PTPRD: variants seen among roughly 807,000 people sequenced by gnomAD.
The protein encoded by PTPRD is protein tyrosine phosphatase receptor type D.
A neutral mutation model predicts 214.5 loss-of-function variants in PTPRD; 34 were observed. The observed-to-expected ratio is 0.16, with a 90% CI of 0.12 to 0.21. The LOEUF is 0.21. Among genes scored for constraint, PTPRD ranks in the 10% least tolerant of loss-of-function variants. The probability of loss-of-function intolerance (pLI) is 1.00; values close to 1 mark genes in which losing one functional copy is unlikely to be tolerated. For missense variants in PTPRD, 2,545 were observed against 2,398.7 expected, an observed-to-expected ratio of 1.06 and a Z score of -1.27; for synonymous variants, 1,128 against 845.7, an observed-to-expected ratio of 1.33 and a Z score of -5.79.
At chr9:9,653,082 C>A (rs2096408104) in intron 7 of PTPRD, among the ~76,000 whole-genome samples, 1 of 149,606 alleles carries the variant, frequency 6.7e-6, no homozygotes, top group African/African-American at 2.5e-5. Context: ...GTGGCTCACG[C>A]CTGTAATCCC....
At chr9:8,410,874 A>G (rs539059333) in intron 35 of PTPRD, among the ~76,000 whole-genome samples, 51 of 152,322 alleles carry the variant, frequency 3.3e-4, no homozygotes, top group Non-Finnish European at 6.9e-4. Context: ...AACAAAAAGG[A>G]TAAACTATGC....
At chr9:8,338,300 G>T (rs1848956732) in intron 43 of PTPRD, among the ~76,000 whole-genome samples, 1 of 151,992 alleles carries the variant, frequency 6.6e-6, no homozygotes, top group Admixed American at 6.6e-5. Flanking sequence ...CTTACATCAG[G>T]GCTGAACCTT....
intron 14 of PTPRD, 39 bp downstream of exon 14, chr9:8,633,278 A>C (rs368802770): frequency 7.5e-6 from 12 of 1,597,890 alleles, no homozygotes; most frequent in Non-Finnish European, 1.0e-5. Context: ...ACAGAATTGT[A>C]ACAATGACAC....
At chr9:9,515,339 C>T (rs1219249609) in intron 8 of PTPRD, among the ~76,000 whole-genome samples, 1 of 152,084 alleles carries the variant, frequency 6.6e-6, no homozygotes, top group Non-Finnish European at 1.5e-5. Flanking sequence ...ATTTTAAAAA[C>T]ACCTGGCTAT....
At chr9:10,587,302 A>G (rs2074177258) in intron 2 of PTPRD, among the ~76,000 whole-genome samples, 1 of 152,072 alleles carries the variant, frequency 6.6e-6, no homozygotes, top group Admixed American at 6.6e-5. Context: ...TTTTCACAAA[A>G]CTATCGTCTG....
At chr9:8,501,085 G>A (rs2137001265) in intron 23 of PTPRD, 26 bp from the exon 24 acceptor site, 3 of 1,575,858 alleles carry the variant, frequency 1.9e-6, no homozygotes, top group Non-Finnish European at 2.6e-6. Context: ...AGTTAAAGGA[G>A]GATTTAAGTG....
intron 11 of PTPRD, among the ~76,000 whole-genome samples, chr9:8,998,583 C>G (rs533264473): frequency 6.6e-6 from 1 of 152,048 alleles, no homozygotes; most frequent in African/African-American, 2.4e-5. Context: ...GAGATTAACA[C>G]TGTTTTCATG....
At chr9:9,840,519 G>T (rs1393277084) in intron 5 of PTPRD, among the ~76,000 whole-genome samples, 1 of 151,810 alleles carries the variant, frequency 6.6e-6, no homozygotes, top group Admixed American at 6.6e-5. Context: ...ATTATGTTTG[G>T]TCATTTCATT....
chr9:9,493,512 G>A (rs939691144), intron 8 of PTPRD, among the ~76,000 whole-genome samples: 4 of 152,024 alleles, frequency 2.6e-5, no homozygotes, highest in Non-Finnish European at 5.9e-5. Flanking sequence ...TTTGTGTCCG[G>A]GTAGGGTGGC....
At chr9:10,579,978 C>T (rs2071118668) in intron 2 of PTPRD, among the ~76,000 whole-genome samples, 1 of 151,898 alleles carries the variant, frequency 6.6e-6, no homozygotes, top group Non-Finnish European at 1.5e-5. Flanking sequence ...TTGAATTGTT[C>T]AAGTTCCTTA....
chr9:8,559,292 C>T lies in PTPRD; in HGVS notation c.353-30513G>A, dbSNP rs534067778. On this transcript the variant is annotated intron_variant, in intron 14 of 45. Coordinates refer to ENST00000381196, the MANE Select transcript of PTPRD (RefSeq NM_002839.4). ...GTCCCAACACAAAGAGAAATGTTTG[C>T]AGTGATAAATATCCCAGTTATCCTA... 6.6e-5 allele frequency among the ~76,000 whole-genome samples: 10 copies of T among 152,274 alleles called. No homozygotes were observed. In the South Asian group the frequency reaches 1.5e-3, roughly 22 times the overall value.
chr9:9,302,153 G>A (rs1199673264), intron 9 of PTPRD, among the ~76,000 whole-genome samples: 2 of 151,928 alleles, frequency 1.3e-5, no homozygotes, highest in Non-Finnish European at 2.9e-5. Context: ...TCATCAAGTT[G>A]AGATAAAAAG....
At chr9:9,963,588 T>TA (rs1345824122) in intron 4 of PTPRD, among the ~76,000 whole-genome samples, 2 of 152,104 alleles carry the variant, frequency 1.3e-5, no homozygotes, top group Non-Finnish European at 2.9e-5. Flanking sequence ...TTTATTGTCA[T>TA]AAAAAAGGCA....
At chr9:8,474,633 C>T (rs1286984030) in intron 30 of PTPRD, among the ~76,000 whole-genome samples, 1 of 152,196 alleles carries the variant, frequency 6.6e-6, no homozygotes, top group East Asian at 1.9e-4. Flanking sequence ...CTCCAATTGC[C>T]TAGTCCTTCC....
intron 2 of PTPRD, among the ~76,000 whole-genome samples, chr9:10,552,679 G>C (rs1278920132): frequency 3.9e-5 from 6 of 152,090 alleles, no homozygotes; most frequent in African/African-American, 1.2e-4. Context: ...TGCAAGAGGA[G>C]CACTGCAGAT....
chr9:8,518,650 T>C (rs2138624393), intron 20 of PTPRD, among the ~76,000 whole-genome samples: 1 of 152,320 alleles, frequency 6.6e-6, no homozygotes. Flanking sequence ...ATAGCATATT[T>C]TTAGGCTTGT....
chr9:8,995,282 C>T (rs950585626), intron 11 of PTPRD, among the ~76,000 whole-genome samples: 21 of 151,928 alleles, frequency 1.4e-4, no homozygotes, highest in African/African-American at 4.8e-4. Flanking sequence ...GTTTAAAAAT[C>T]CTTATCTGTT....
rs533112345 is a variant in PTPRD at position 9,995,766 on chromosome 9, T to G, written c.-472+37952A>C. Among the ~76,000 whole-genome samples, 69 of 152,316 alleles carry G rather than the reference T, an allele frequency of 4.5e-4. No individual in the cohort carries two copies. In the South Asian group the frequency reaches 0.014, roughly 31 times the overall value. On this transcript the variant is annotated intron_variant, in intron 4 of 45. Transcript: ENST00000381196. ...TTGGGACCCTGTCAGACATGTTTAT[T>G]GTTGCTATTTATTTGATACTTTTCT... is the stretch of plus-strand genomic sequence containing the variant.
chr9:9,795,136 G>T (rs140538078), intron 5 of PTPRD, among the ~76,000 whole-genome samples: 239 of 152,278 alleles, frequency 1.6e-3, no homozygotes, highest in African/African-American at 5.4e-3. Flanking sequence ...TATAGTTAAG[G>T]CTCCTGTCTC....
Sources: gnomAD v4.1 joint callset for allele counts (sites outside exome capture counted in the v4.1 genomes callset) on GRCh38, gnomAD v4.1.1 for gene constraint, MANE v1.5 for transcripts, NCBI Gene and HGNC (gene_info 2026-07-23, HGNC 2026-07-21) for gene names.